The following SV2C variants were observed in gnomAD, a reference collection of about 807,000 sequenced individuals.
The protein encoded by SV2C is synaptic vesicle glycoprotein 2C.
Under a neutral mutation model 79.7 loss-of-function variants are expected in SV2C, and 49 were observed. The observed-to-expected ratio is 0.61, with a 90% CI of 0.49 to 0.78. SV2C has a LOEUF of 0.78. Among genes scored for constraint, SV2C ranks in the 30% least tolerant of loss-of-function variants. The pLI is 0.00. For missense variants in SV2C, 833 were observed against 912.9 expected (o/e 0.91, Z 1.13); for synonymous variants, 334 against 333.2 (o/e 1.00, Z -0.03).
At chr5:76,219,705 A>G (rs550108818) in intron 4 of SV2C, among the ~76,000 whole-genome samples, 2 of 152,156 alleles carry the variant, frequency 1.3e-5, no homozygotes, top group African/African-American at 2.4e-5. Flanking sequence ...AAAGACGTCT[A>G]TTTACTTTCT....
chr5:76,077,645 C>A, the SV2C span, among the ~76,000 whole-genome samples: 1 of 152,188 alleles, frequency 6.6e-6, no homozygotes, highest in Non-Finnish European at 1.5e-5. Flanking sequence ...AAACTGCCTT[C>A]CTAGAACCAG....
chr5:76,133,900 C>T (rs78231290), intron 2 of SV2C, among the ~76,000 whole-genome samples: 1 of 151,886 alleles, frequency 6.6e-6, no homozygotes, highest in African/African-American at 2.4e-5. Flanking sequence ...GAAGATAGAC[C>T]CTGAGAAATA....
At chr5:76,150,805 T>A (rs1749582885) in intron 2 of SV2C, among the ~76,000 whole-genome samples, 1 of 151,724 alleles carries the variant, frequency 6.6e-6, no homozygotes, top group Admixed American at 6.6e-5. Flanking sequence ...GCTTGGCTAA[T>A]TTTTTTATTT....
chr5:75,855,811 T>C, the SV2C span, among the ~76,000 whole-genome samples: 4 of 152,226 alleles, frequency 2.6e-5, no homozygotes, highest in Non-Finnish European at 5.9e-5. Context: ...GATCCAGTTA[T>C]ACTCTTCTAG....
the SV2C span, among the ~76,000 whole-genome samples, chr5:75,920,133 T>A: frequency 6.6e-6 from 1 of 152,220 alleles, no homozygotes; most frequent in Admixed American, 6.5e-5. Context: ...GGACAGGAAC[T>A]CTTAGAAGGG....
At chr5:76,219,781 G>T (rs1745013312) in intron 4 of SV2C, among the ~76,000 whole-genome samples, 1 of 152,182 alleles carries the variant, frequency 6.6e-6, no homozygotes, top group African/African-American at 2.4e-5. Flanking sequence ...TGACCTTTGA[G>T]GTATGTATAG....
At chr5:75,890,143 T>C in the SV2C span, among the ~76,000 whole-genome samples, 1 of 152,122 alleles carries the variant, frequency 6.6e-6, no homozygotes, top group Non-Finnish European at 1.5e-5. Context: ...ATTTTCATAA[T>C]GAATGCTAAA....
chr5:76,048,965 G>GAGAGAGAAAGAAAGAAAGAA, the SV2C span, among the ~76,000 whole-genome samples: 4 of 58,200 alleles, frequency 6.9e-5, no homozygotes, highest in South Asian at 1.7e-3. Context: ...GAAAGAAAAA[G>GAGAGAGAAAGAAAGAAAGAA]AGAAAGAAAG....
intron 2 of SV2C, among the ~76,000 whole-genome samples, chr5:76,168,344 G>A (rs1743105557): frequency 6.6e-6 from 1 of 152,066 alleles, no homozygotes; most frequent in Non-Finnish European, 1.5e-5. Context: ...CTCCATGCTT[G>A]CCCAACTGCA....
the SV2C span, among the ~76,000 whole-genome samples, chr5:75,895,052 C>CGCTT: frequency 6.6e-6 from 1 of 152,088 alleles, no homozygotes; most frequent in Non-Finnish European, 1.5e-5. Flanking sequence ...CTGATCACTA[C>CGCTT]GCTTACCAAG....
chr5:76,220,492 CA>C (rs1452810541), intron 4 of SV2C, among the ~76,000 whole-genome samples: 1 of 151,702 alleles, frequency 6.6e-6, no homozygotes, highest in East Asian at 1.9e-4. Flanking sequence ...GGCAACATGG[CA>C]AAACCCCATC....
the SV2C span, among the ~76,000 whole-genome samples, chr5:76,018,377 TG>T: frequency 6.6e-6 from 1 of 152,212 alleles, no homozygotes; most frequent in Non-Finnish European, 1.5e-5. Context: ...CACGGGCCTT[TG>T]TTTTCCTTCT....
chr5:76,104,825 T>C (rs556376735), intron 1 of SV2C, among the ~76,000 whole-genome samples: 1 of 152,154 alleles, frequency 6.6e-6, no homozygotes, highest in Non-Finnish European at 1.5e-5. Flanking sequence ...TCATTCTCTT[T>C]TCATGGGCTT....
chr5:75,874,692 TA>T, the SV2C span, among the ~76,000 whole-genome samples: 3 of 152,026 alleles, frequency 2.0e-5, no homozygotes, highest in African/African-American at 7.2e-5. Flanking sequence ...CTCCAGCTGA[TA>T]AAAAATTTCA....
chr5:75,896,335 T>G, the SV2C span, among the ~76,000 whole-genome samples: 1 of 151,872 alleles, frequency 6.6e-6, no homozygotes, highest in African/African-American at 2.4e-5. Flanking sequence ...GTTCTTGCGA[T>G]AGTTTACTGA....
intron 6 of SV2C, chr5:76,286,567 A>G (rs562475177): frequency 1.3e-5 from 2 of 152,348 alleles, no homozygotes; most frequent in Middle Eastern, 3.4e-3. Context: ...TGAGAAAACA[A>G]TTATACTAAG....
At chr5:76,217,850 C>T (rs34816732) in intron 4 of SV2C, among the ~76,000 whole-genome samples, 8,992 of 152,064 alleles carry the variant, frequency 0.059, 534 homozygotes, top group East Asian at 0.25. Context: ...AATCAGAATC[C>T]TCCATTTTTC....
chr5:76,231,157 G>A (rs1324961283), intron 4 of SV2C, among the ~76,000 whole-genome samples: 2 of 152,106 alleles, frequency 1.3e-5, no homozygotes, highest in African/African-American at 2.4e-5. Flanking sequence ...TTTTTCTTTG[G>A]CCTTCAAAGA....
intron 8 of SV2C, 116 bp from the exon 9 acceptor site, chr5:76,295,662 T>A: frequency 1.0e-6 from 1 of 969,100 alleles, no homozygotes; most frequent in Non-Finnish European, 1.5e-6. Context: ...ACTCATAATG[T>A]TATAGGGAGC....
Sources: gnomAD v4.1 joint callset for allele counts (sites outside exome capture counted in the v4.1 genomes callset) on GRCh38, gnomAD v4.1.1 for gene constraint, MANE v1.5 for transcripts, NCBI Gene and HGNC (gene_info 2026-07-23, HGNC 2026-07-21) for gene names.